Variants in IMMP2L observed in about 807,000 individuals in gnomAD.
IMMP2L encodes mitochondrial inner membrane protease subunit 2.
A neutral mutation model predicts 19.3 loss-of-function variants in IMMP2L; 18 were observed. The ratio of observed to expected loss-of-function variants is 0.93; its 90% CI spans 0.64 to 1.38. The LOEUF (loss-of-function observed/expected upper bound fraction) is 1.38, where lower values mean the gene tolerates loss of function less well. IMMP2L is among the 40% of genes most tolerant of loss of function. IMMP2L has a pLI of 0.00. For missense variants in IMMP2L, 233 were observed against 218.2 expected (o/e 1.07, Z -0.43); for synonymous variants, 76 against 73.0 (o/e 1.04, Z -0.21).
intron 5 of IMMP2L, among the ~76,000 whole-genome samples, chr7:110,751,281 G>A (rs1038100763): frequency 1.3e-5 from 2 of 151,674 alleles, no homozygotes; most frequent in African/African-American, 4.8e-5. Flanking sequence ...TAGACGGTTA[G>A]AACCAGAAAA....
Position 110,963,070 on chromosome 7 carries a change from CTTTTCAG to C in IMMP2L, c.305+423_305+429del, listed in dbSNP as rs550790457. 6.2e-3 allele frequency: 9,515 copies of C among 1,525,546 alleles called. 38 individuals are homozygous for C. The highest frequency in any genetic ancestry group is 7.0e-3 in the Non-Finnish European group (7,988 of 1,141,474). 94.5% of individuals were successfully genotyped at this position (1,525,546 alleles called of 1,614,324 possible). On this transcript the variant is annotated intron_variant, in intron 4 of 5. Transcript: ENST00000405709. Reference sequence around the variant, plus strand: ...GATTCGGAAGTTTCTGTTTCATATCCTTTTCAGTTTTCTCCCATCTCTATGAGTACAA... The same window carrying C: ...GATTCGGAAGTTTCTGTTTCATATCCTTTTCTCCCATCTCTATGAGTACAA...
At chr7:111,056,914 C>T (rs902030057) in intron 3 of IMMP2L, among the ~76,000 whole-genome samples, 2 of 152,050 alleles carry the variant, frequency 1.3e-5, no homozygotes, top group Non-Finnish European at 2.9e-5. Context: ...GGAAAATCCA[C>T]ATATAAATGC....
intron 3 of IMMP2L, among the ~76,000 whole-genome samples, chr7:110,999,121 G>A (rs996182242): frequency 6.6e-6 from 1 of 152,004 alleles, no homozygotes; most frequent in African/African-American, 2.4e-5. Context: ...AATCAGATCT[G>A]TGATCCTTTG....
intron 2 of IMMP2L, among the ~76,000 whole-genome samples, chr7:111,505,859 T>C (rs1844841172): frequency 6.6e-6 from 1 of 152,034 alleles, no homozygotes; most frequent in Non-Finnish European, 1.5e-5. Context: ...TTAGGAGATA[T>C]ATGTAATGCT....
intron 5 of IMMP2L, among the ~76,000 whole-genome samples, chr7:110,882,096 T>C (rs1239212698): frequency 6.6e-6 from 1 of 152,160 alleles, no homozygotes; most frequent in Non-Finnish European, 1.5e-5. Flanking sequence ...GTAGCATCTA[T>C]TGACCCTCTT....
chr7:111,114,496 G>T (rs1218308215), intron 3 of IMMP2L, among the ~76,000 whole-genome samples: 1 of 152,168 alleles, frequency 6.6e-6, no homozygotes, highest in Non-Finnish European at 1.5e-5. Flanking sequence ...CCAGCACTTT[G>T]TGAGTTCAAG....
intron 5 of IMMP2L, among the ~76,000 whole-genome samples, chr7:110,845,068 T>C (rs2396282): frequency 0.48 from 73,440 of 151,786 alleles, 18,256 homozygotes; most frequent in East Asian, 0.8. Flanking sequence ...AATATTTCAA[T>C]CTAAAATCCA....
chr7:111,456,590 TATCA>T (rs1295754427), intron 3 of IMMP2L, among the ~76,000 whole-genome samples: 1 of 152,184 alleles, frequency 6.6e-6, no homozygotes, highest in Non-Finnish European at 1.5e-5. Flanking sequence ...TTATGAACGA[TATCA>T]ATCAGACTTC....
At chr7:111,361,351 GC>G (rs1829243756) in intron 3 of IMMP2L, among the ~76,000 whole-genome samples, 1 of 151,996 alleles carries the variant, frequency 6.6e-6, no homozygotes, top group Non-Finnish European at 1.5e-5. Flanking sequence ...CATTTTGCAA[GC>G]ATTCTTGAAG....
intron 3 of IMMP2L, among the ~76,000 whole-genome samples, chr7:111,288,546 A>G (rs747514951): frequency 9.9e-5 from 15 of 152,212 alleles, no homozygotes; most frequent in Non-Finnish European, 1.3e-4. Flanking sequence ...GCTAATATCC[A>G]GAATCTACAA....
At chr7:111,509,185 C>G (rs1011362278) in intron 2 of IMMP2L, among the ~76,000 whole-genome samples, 1 of 152,082 alleles carries the variant, frequency 6.6e-6, no homozygotes, top group Non-Finnish European at 1.5e-5. Context: ...TTAGTATTTA[C>G]AGAGTTTGTT....
At chr7:111,284,457 G>GA (rs374346347) in intron 3 of IMMP2L, among the ~76,000 whole-genome samples, 86 of 148,248 alleles carry the variant, frequency 5.8e-4, no homozygotes, top group South Asian at 2.3e-3. Flanking sequence ...AATTGGCCAA[G>GA]AAAAAAAAAA....
intron 5 of IMMP2L, among the ~76,000 whole-genome samples, chr7:110,696,406 C>T (rs1451978791): frequency 6.7e-6 from 1 of 148,840 alleles, no homozygotes; most frequent in East Asian, 2.0e-4. Flanking sequence ...AGTATCTGCA[C>T]TGAGACATTC....
rs139637326 is a variant in IMMP2L at position 111,123,755 on chromosome 7, A to G, written c.240-160190T>C. ...CCTAGATTGTCTTACATTCACCCCA[A>G]TGCATTTTTCAGACTCCCCAAGCTG... On this transcript the variant is annotated intron_variant, in intron 3 of 5. Transcript: ENST00000405709. The surrounding 1 kb of genome is among the most constrained non-coding windows in gnomAD (Gnocchi z 6.4). 848 of 1,613,940 alleles carry G rather than the reference A, an allele frequency of 5.3e-4. 9 individuals are homozygous for G. In the African/African-American group the frequency reaches 8.3e-3, roughly 16 times the overall value.
At chr7:111,158,522 T>G (rs1161626951) in intron 3 of IMMP2L, among the ~76,000 whole-genome samples, 1 of 152,138 alleles carries the variant, frequency 6.6e-6, no homozygotes, top group Non-Finnish European at 1.5e-5. Flanking sequence ...AACGAAAAAC[T>G]GTTATAAGAT....
At chr7:110,666,989 A>G (rs1342709822) in intron 5 of IMMP2L, among the ~76,000 whole-genome samples, 1 of 152,140 alleles carries the variant, frequency 6.6e-6, no homozygotes, top group East Asian at 1.9e-4. Flanking sequence ...CTCCTGCCTC[A>G]GCCTCCTGAG....
intron 3 of IMMP2L, among the ~76,000 whole-genome samples, chr7:111,185,888 A>T (rs1451145355): frequency 6.6e-6 from 1 of 152,180 alleles, no homozygotes; most frequent in African/African-American, 2.4e-5. Flanking sequence ...GGTCACCAAC[A>T]GAAATCTGAT....
chr7:111,303,235 A>T (rs1302327582), intron 3 of IMMP2L, among the ~76,000 whole-genome samples: 1 of 152,142 alleles, frequency 6.6e-6, no homozygotes, highest in African/African-American at 2.4e-5. Flanking sequence ...AAGTTAAAAT[A>T]GCATGTATTC....
At chr7:111,194,217 T>C (rs1366501643) in intron 3 of IMMP2L, among the ~76,000 whole-genome samples, 1 of 152,200 alleles carries the variant, frequency 6.6e-6, no homozygotes, top group Non-Finnish European at 1.5e-5. Context: ...CTAGTTCTTC[T>C]GTAGCTAGTA....
Sources: gnomAD v4.1 joint callset for allele counts (sites outside exome capture counted in the v4.1 genomes callset) on GRCh38, gnomAD v4.1.1 for gene constraint, Gnocchi (gnomAD v3.1) non-coding constraint, MANE v1.5 for transcripts, NCBI Gene and HGNC (gene_info 2026-07-23, HGNC 2026-07-21) for gene names.